The following ROBO2 variants were observed in gnomAD, a reference collection of about 807,000 sequenced individuals.
The protein encoded by ROBO2 is roundabout guidance receptor 2, also known as roundabout homolog 2.
ROBO2 carries 53 observed loss-of-function variants against 160.8 expected under a neutral mutation model. That is an observed-to-expected ratio of 0.33 (90% CI 0.26 to 0.41). ROBO2 has a LOEUF of 0.41. Among genes scored for constraint, ROBO2 ranks in the 10% least tolerant of loss-of-function variants. The pLI is 1.00. For missense variants in ROBO2, 1,577 were observed against 1,722.4 expected (o/e 0.92, Z 1.49); for synonymous variants, 664 against 611.7 (o/e 1.09, Z -1.26).
intron 2 of ROBO2, among the ~76,000 whole-genome samples, chr3:76,803,928 G>A (rs922767710): frequency 2.6e-5 from 4 of 152,190 alleles, no homozygotes; most frequent in Non-Finnish European, 5.9e-5. Flanking sequence ...GAAGCTATAG[G>A]AAAATGATGT....
chr3:76,068,262 G>A (rs1222519321), intron 2 of ROBO2, among the ~76,000 whole-genome samples: 2 of 152,200 alleles, frequency 1.3e-5, no homozygotes, highest in East Asian at 1.9e-4. Context: ...CTGAAGGACA[G>A]TGAGAGCAGA....
intron 2 of ROBO2, among the ~76,000 whole-genome samples, chr3:76,786,143 C>T (rs1189231767): frequency 6.6e-6 from 1 of 151,178 alleles, no homozygotes; most frequent in Non-Finnish European, 1.5e-5. Context: ...AGGTTTTAAT[C>T]ACCTGTATTC....
chr3:76,410,711 T>C (rs1196508702), intron 2 of ROBO2, among the ~76,000 whole-genome samples: 1 of 152,166 alleles, frequency 6.6e-6, no homozygotes, highest in Non-Finnish European at 1.5e-5. Flanking sequence ...ACACTTCAGA[T>C]TTATGCCCTA....
chr3:77,021,053 T>A (rs1220634994), intron 2 of ROBO2, among the ~76,000 whole-genome samples: 9 of 151,848 alleles, frequency 5.9e-5, no homozygotes, highest in Admixed American at 3.3e-4. Flanking sequence ...AAATATTTTT[T>A]AAAAAAATTA....
In ROBO2 at chr3:77,387,571, T is replaced by C. The variant is rs115206358; in HGVS notation, c.389-89843T>C. 2.1e-3 allele frequency among the ~76,000 whole-genome samples: 315 copies of C among 151,834 alleles called. 4 individuals carry two copies. The highest frequency in any genetic ancestry group is 6.3e-3 in the African/African-American group (262 of 41,368). On this transcript the variant is annotated intron_variant, in intron 2 of 25. Transcript: ENST00000461745. ...TGCTGCCTGAAATTTTCTGATCTCC[T>C]GCGATCACCCTGTATTATTTCTGTC...
Position 77,240,566 on chromosome 3 carries a change from G to A in ROBO2, c.388+142226G>A, listed in dbSNP as rs117986386. 1.7e-3 allele frequency among the ~76,000 whole-genome samples: 261 copies of A among 152,310 alleles called. 7 individuals carry two copies. In the East Asian group the frequency reaches 0.033, roughly 19 times the overall value. ...CAGCGGGCTGAAGGGCTCCTCAAGC[G>A]TGGCCAGAGCGGACACCGTGGCCGA... On this transcript the variant is annotated intron_variant, in intron 2 of 25. Transcript: ENST00000461745.
chr3:76,508,612 A>G (rs1356331557), intron 2 of ROBO2, among the ~76,000 whole-genome samples: 4 of 152,200 alleles, frequency 2.6e-5, no homozygotes, highest in Non-Finnish European at 5.9e-5. Flanking sequence ...TTATTTTAGT[A>G]CAAATGTAGT....
intron 1 of ROBO2, among the ~76,000 whole-genome samples, chr3:77,079,662 T>C (rs962875652): frequency 6.6e-6 from 1 of 152,208 alleles, no homozygotes; most frequent in Non-Finnish European, 1.5e-5. Flanking sequence ...TATTAATTTA[T>C]TTTTGTTAAT....
intron 2 of ROBO2, among the ~76,000 whole-genome samples, chr3:76,070,547 G>T (rs2107955747): frequency 6.6e-6 from 1 of 152,276 alleles, no homozygotes; most frequent in Admixed American, 6.5e-5. Flanking sequence ...CCCCTGTCCT[G>T]TGGTCCTGTG....
At chr3:77,167,501 C>A (rs576435589) in intron 2 of ROBO2, among the ~76,000 whole-genome samples, 1 of 152,214 alleles carries the variant, frequency 6.6e-6, no homozygotes, top group South Asian at 2.1e-4. Context: ...TACTTGGGAA[C>A]TTTTTTTCCT....
At chr3:76,812,813 G>T (rs569083066) in intron 2 of ROBO2, among the ~76,000 whole-genome samples, 3 of 149,854 alleles carry the variant, frequency 2.0e-5, no homozygotes, top group African/African-American at 7.4e-5. Context: ...AGTAACGGAA[G>T]AAATTTTCTC....
upstream of ROBO2, among the ~76,000 whole-genome samples, chr3:77,039,240 C>A (rs1030892705): frequency 7.9e-5 from 12 of 152,318 alleles, no homozygotes; most frequent in Middle Eastern, 3.4e-3. Context: ...CTACACACAA[C>A]CTTTCCAGTC....
At chr3:76,698,552 G>T (rs2092981425) in intron 2 of ROBO2, among the ~76,000 whole-genome samples, 1 of 152,134 alleles carries the variant, frequency 6.6e-6, no homozygotes, top group Non-Finnish European at 1.5e-5. Context: ...AGTGTGGGTG[G>T]ACTCCAGCAC....
intron 2 of ROBO2, among the ~76,000 whole-genome samples, chr3:76,004,900 C>A (rs2107582817): frequency 6.6e-6 from 1 of 152,256 alleles, no homozygotes; most frequent in Non-Finnish European, 1.5e-5. Flanking sequence ...TGTGTCCCTC[C>A]AAAAGGCATG....
At chr3:76,068,737 G>T (rs752448852) in intron 2 of ROBO2, among the ~76,000 whole-genome samples, 11 of 152,024 alleles carry the variant, frequency 7.2e-5, no homozygotes, top group Admixed American at 2.6e-4. Context: ...CTTTCATCTT[G>T]GTTTTTAAAG....
intron 2 of ROBO2, among the ~76,000 whole-genome samples, chr3:77,185,268 A>G (rs556857373): frequency 1.3e-5 from 2 of 152,126 alleles, no homozygotes; most frequent in Middle Eastern, 3.4e-3. Context: ...GATAAAGTGG[A>G]GAATTATCTC....
At chr3:76,037,178 A>T (rs976345864) in intron 2 of ROBO2, among the ~76,000 whole-genome samples, 4 of 151,872 alleles carry the variant, frequency 2.6e-5, no homozygotes, top group Non-Finnish European at 5.9e-5. Context: ...CATCATCCTG[A>T]TACATATTCC....
intron 2 of ROBO2, among the ~76,000 whole-genome samples, chr3:77,267,445 T>C (rs1391950443): frequency 6.6e-6 from 1 of 152,144 alleles, no homozygotes; most frequent in African/African-American, 2.4e-5. Flanking sequence ...CTTACAGGTA[T>C]TCGCACCTGC....
In ROBO2 at chr3:77,374,083, T is replaced by C. The variant is rs887726311; in HGVS notation, c.389-103331T>C. Among the ~76,000 whole-genome samples, 5 of 140,500 alleles carry C rather than the reference T, an allele frequency of 3.6e-5. No homozygotes were observed. The East Asian group carries it at 6.4e-4, about 18-fold the overall frequency. 92.2% of individuals were successfully genotyped at this position (140,500 alleles called of 152,430 possible). The stretch of plus-strand genomic sequence containing the variant: ...TACTGGGGATGCTGAGGCAGGAGAA[T>C]TGCTGGAACCTGGGAGGCGGAGCTT... On this transcript the variant is annotated intron_variant, in intron 2 of 25. Transcript: ENST00000461745.
Sources: allele counts gnomAD v4.1 joint callset (sites outside exome capture counted in the v4.1 genomes callset), GRCh38; gene constraint gnomAD v4.1.1; transcripts MANE v1.5; gene names NCBI Gene and HGNC (gene_info 2026-07-23, HGNC 2026-07-21).